The following RANBP2 variants were observed in gnomAD, a reference collection of about 807,000 sequenced individuals.
RANBP2 encodes the protein E3 SUMO-protein ligase RanBP2.
RANBP2 carries 57 observed loss-of-function variants against 303.6 expected under a neutral mutation model. The observed-to-expected ratio is 0.19, with a 90% CI of 0.15 to 0.23. The LOEUF is 0.23. Among genes scored for constraint, RANBP2 ranks in the 10% least tolerant of loss-of-function variants. The probability of loss-of-function intolerance (pLI) is 1.00; values close to 1 mark genes in which losing one functional copy is unlikely to be tolerated. For missense variants in RANBP2, 3,138 were observed against 3,780.8 expected (o/e 0.83, Z 4.46); for synonymous variants, 1,167 against 1,301.5 (o/e 0.90, Z 2.23).
chr2:109,420,462 T>C, the RANBP2 span, among the ~76,000 whole-genome samples: 59,596 of 152,002 alleles, frequency 0.39, 12,607 homozygotes, highest in East Asian at 0.48. Context: ...GTTTTGTTTT[T>C]TGAGATGGAG....
chr2:109,669,214 A>AT, the RANBP2 span, among the ~76,000 whole-genome samples: 1 of 152,262 alleles, frequency 6.6e-6, no homozygotes, highest in African/African-American at 2.4e-5. Context: ...ACCAGAAACC[A>AT]TGAAACTACT....
At chr2:109,575,133 T>C in the RANBP2 span, among the ~76,000 whole-genome samples, 1 of 152,244 alleles carries the variant, frequency 6.6e-6, no homozygotes, top group South Asian at 2.1e-4. Context: ...TGAAATGGTA[T>C]TGAATTTACA....
At chr2:108,849,704 A>G in the RANBP2 span, among the ~76,000 whole-genome samples, 1 of 152,236 alleles carries the variant, frequency 6.6e-6, no homozygotes, top group Non-Finnish European at 1.5e-5. Flanking sequence ...ATCACTGTGG[A>G]ACAAGGAAGA....
rs375600478 is a variant in RANBP2, at chr2:108,765,132, T to C, written c.4593T>C (p.Thr1531=). 3.7e-6 allele frequency: 6 copies of C among 1,613,972 alleles called. No individual in the cohort carries two copies. The African/African-American group carries it at 8.0e-5, about 22-fold the overall frequency. Residue 1531 remains threonine, a synonymous_variant, in exon 20 of 29, where the codon ACT becomes ACC. Coordinates refer to ENST00000283195, the MANE Select transcript of RANBP2 (RefSeq NM_006267.5). ...TTGGTACTTCAGAGACAAGTAAAACTCTAAAAAGTGGATTTGAAGACATGT... is the reference window on the plus strand; with the variant it reads ...TTGGTACTTCAGAGACAAGTAAAACCCTAAAAAGTGGATTTGAAGACATGT... The part of the protein sequence containing the change: ...FKFGTSETSK[T]LKSGFEDMFA...
the RANBP2 span, among the ~76,000 whole-genome samples, chr2:109,002,572 A>G: frequency 6.6e-6 from 1 of 152,160 alleles, no homozygotes; most frequent in African/African-American, 2.4e-5. Context: ...CAGTGCACCG[A>G]GCCCTTCACA....
chr2:109,576,083 G>A, the RANBP2 span, among the ~76,000 whole-genome samples: 5 of 151,944 alleles, frequency 3.3e-5, no homozygotes, highest in Admixed American at 6.6e-5. Flanking sequence ...AACACAGCGA[G>A]ACCCCCATCT....
chr2:108,787,087 C>A (rs62151258), downstream of RANBP2, among the ~76,000 whole-genome samples: 7 of 151,848 alleles, frequency 4.6e-5, no homozygotes, highest in Non-Finnish European at 1.0e-4. Context: ...GCGGGCGTTG[C>A]GCTGCGGGGG....
the RANBP2 span, among the ~76,000 whole-genome samples, chr2:109,074,410 C>T: frequency 6.6e-6 from 1 of 150,416 alleles, no homozygotes; most frequent in African/African-American, 2.4e-5. Flanking sequence ...TCAATAATTA[C>T]TTAAAATGGC....
chr2:108,826,091 T>A, the RANBP2 span, among the ~76,000 whole-genome samples: 9 of 152,220 alleles, frequency 5.9e-5, no homozygotes, highest in Non-Finnish European at 1.5e-5. Context: ...TGAGCATTTT[T>A]AATTGAGTTA....
the RANBP2 span, among the ~76,000 whole-genome samples, chr2:109,711,190 C>T: frequency 3.9e-5 from 6 of 152,202 alleles, no homozygotes; most frequent in African/African-American, 1.4e-4. Context: ...CCGGCAAGTC[C>T]CCTGCAACTG....
At chr2:108,830,248 G>C in the RANBP2 span, among the ~76,000 whole-genome samples, 2 of 152,194 alleles carry the variant, frequency 1.3e-5, no homozygotes, top group Admixed American at 1.3e-4. Context: ...GGTTACCAAG[G>C]GCTGGGGGAA....
At chr2:108,917,033 T>C in the RANBP2 span, among the ~76,000 whole-genome samples, 1 of 152,096 alleles carries the variant, frequency 6.6e-6, no homozygotes, top group Non-Finnish European at 1.5e-5. Context: ...AGCTCGGCAA[T>C]AAGGAATGGA....
At chr2:108,878,951 A>G in the RANBP2 span, among the ~76,000 whole-genome samples, 2 of 152,250 alleles carry the variant, frequency 1.3e-5, no homozygotes, top group African/African-American at 4.8e-5. Context: ...ATATAGATAT[A>G]GCAAAAAATA....
the RANBP2 span, among the ~76,000 whole-genome samples, chr2:109,277,497 G>A: frequency 2.0e-5 from 3 of 152,206 alleles, no homozygotes; most frequent in East Asian, 1.9e-4. Flanking sequence ...GGCAGCTGCT[G>A]CATCTCCGAG....
the RANBP2 span, among the ~76,000 whole-genome samples, chr2:109,348,453 G>T: frequency 2.0e-5 from 3 of 152,222 alleles, no homozygotes; most frequent in Non-Finnish European, 4.4e-5. Flanking sequence ...ACCCTGGTGC[G>T]TAGGGATCCC....
chr2:109,473,038 G>A, the RANBP2 span, among the ~76,000 whole-genome samples: 282 of 152,356 alleles, frequency 1.9e-3, 1 homozygote, highest in African/African-American at 6.5e-3. Flanking sequence ...AGATGGCAAG[G>A]AGACAGGGTC....
chr2:109,663,909 G>C, the RANBP2 span, among the ~76,000 whole-genome samples: 1 of 152,204 alleles, frequency 6.6e-6, no homozygotes, highest in Non-Finnish European at 1.5e-5. Flanking sequence ...AATGAGACCA[G>C]TGCCTCCCAA....
At chr2:109,609,624 A>C in the RANBP2 span, among the ~76,000 whole-genome samples, 1 of 151,918 alleles carries the variant, frequency 6.6e-6, no homozygotes, top group Admixed American at 6.6e-5. Context: ...TCAAAAAAAA[A>C]AAAAAAAAAA....
the RANBP2 span, among the ~76,000 whole-genome samples, chr2:109,273,286 G>T: frequency 0.01 from 1,598 of 152,312 alleles, 27 homozygotes; most frequent in African/African-American, 0.036. Context: ...GTATCTGTGG[G>T]GCACTCAGGG....
Sources: gnomAD v4.1 joint callset for allele counts (sites outside exome capture counted in the v4.1 genomes callset) on GRCh38, gnomAD v4.1.1 for gene constraint, MANE v1.5 for transcripts, NCBI Gene and HGNC (gene_info 2026-07-23, HGNC 2026-07-21) for gene names.